SPAG16: variants seen among roughly 807,000 people sequenced by gnomAD.
SPAG16 encodes sperm associated antigen 16.
In SPAG16, 86 loss-of-function variants were observed where a neutral mutation model predicts 80.4. The observed-to-expected ratio is 1.07, with a 90% confidence interval of 0.90 to 1.28. The LOEUF (loss-of-function observed/expected upper bound fraction) is 1.28. SPAG16 is among the 50% of genes most tolerant of loss of function. The probability of loss-of-function intolerance (pLI) is 0.00; values close to 1 mark genes in which losing one functional copy is unlikely to be tolerated. For missense variants in SPAG16, 870 were observed against 765.3 expected (o/e 1.14, Z -1.61); for synonymous variants, 294 against 265.9 (o/e 1.11, Z -1.03).
At chr2:214,052,958 T>A (rs947485954) in intron 13 of SPAG16, among the ~76,000 whole-genome samples, 4 of 151,944 alleles carry the variant, frequency 2.6e-5, no homozygotes, top group African/African-American at 7.3e-5. Context: ...AATGACAGAG[T>A]TTTTTCTGCC....
chr2:214,219,319 T>C (rs1463859325), intron 15 of SPAG16, among the ~76,000 whole-genome samples: 1 of 152,118 alleles, frequency 6.6e-6, no homozygotes, highest in Non-Finnish European at 1.5e-5. Context: ...TTATTGATTA[T>C]AATGAGTAGT....
intron 1 of SPAG16, among the ~76,000 whole-genome samples, chr2:213,295,333 CTT>C (rs769365523): frequency 3.9e-4 from 60 of 151,940 alleles, no homozygotes; most frequent in Non-Finnish European, 7.5e-4. Flanking sequence ...ATTAGAGTAA[CTT>C]ATAGTTTTTG....
chr2:213,746,133 G>A (rs537745579), intron 10 of SPAG16, among the ~76,000 whole-genome samples: 1 of 152,168 alleles, frequency 6.6e-6, no homozygotes, highest in African/African-American at 2.4e-5. Flanking sequence ...CATATTTTTT[G>A]TCATAGACAC....
chr2:213,300,677 A>G (rs2062705097), intron 3 of SPAG16, among the ~76,000 whole-genome samples: 1 of 152,170 alleles, frequency 6.6e-6, no homozygotes, highest in African/African-American at 2.4e-5. Context: ...TTTTATTAAA[A>G]AAATTCTGTC....
At chr2:213,859,636 G>A (rs1001498229) in intron 10 of SPAG16, among the ~76,000 whole-genome samples, 51 of 152,150 alleles carry the variant, frequency 3.4e-4, no homozygotes, top group African/African-American at 1.2e-3. Context: ...ATACTAAGCT[G>A]GAGTAGCTAA....
chr2:213,563,089 T>TA (rs2059646755), intron 10 of SPAG16, among the ~76,000 whole-genome samples: 1 of 152,244 alleles, frequency 6.6e-6, no homozygotes, highest in South Asian at 2.1e-4. Context: ...GTCTCTATTT[T>TA]GTTTTCCTTT....
chr2:214,008,542 C>T (rs1054739368), intron 12 of SPAG16, among the ~76,000 whole-genome samples: 9 of 151,910 alleles, frequency 5.9e-5, no homozygotes, highest in Non-Finnish European at 1.3e-4. Context: ...GTCAGGAGTT[C>T]GACACCAGCC....
At chr2:213,660,692 T>A (rs560452368) in intron 10 of SPAG16, among the ~76,000 whole-genome samples, 1 of 152,276 alleles carries the variant, frequency 6.6e-6, no homozygotes, top group African/African-American at 2.4e-5. Context: ...CTGGAATGCA[T>A]CTAGACTTGC....
chr2:214,375,438 A>T (rs1013158377), intron 15 of SPAG16, among the ~76,000 whole-genome samples: 1 of 152,126 alleles, frequency 6.6e-6, no homozygotes, highest in Non-Finnish European at 1.5e-5. Context: ...TTATTATCTG[A>T]GACTAGTATA....
chr2:214,198,797 T>C (rs1464930737), intron 15 of SPAG16, among the ~76,000 whole-genome samples: 1 of 152,168 alleles, frequency 6.6e-6, no homozygotes, highest in Admixed American at 6.5e-5. Flanking sequence ...ATGGCCATTC[T>C]TGCAGGAGTA....
At chr2:213,675,496 T>A (rs2064015516) in intron 10 of SPAG16, among the ~76,000 whole-genome samples, 1 of 152,204 alleles carries the variant, frequency 6.6e-6, no homozygotes. Context: ...CTAGGTTTTC[T>A]TCTAGGGATT....
chr2:213,997,954 C>T (rs2046607272), intron 12 of SPAG16, among the ~76,000 whole-genome samples: 1 of 152,134 alleles, frequency 6.6e-6, no homozygotes, highest in African/African-American at 2.4e-5. Flanking sequence ...AAGGAGCTTA[C>T]ATTCTTGAGA....
At chr2:213,482,464 A>C (rs1484358358) in intron 9 of SPAG16, among the ~76,000 whole-genome samples, 1 of 152,232 alleles carries the variant, frequency 6.6e-6, no homozygotes, top group African/African-American at 2.4e-5. Flanking sequence ...GACAGTAGTA[A>C]GATTATAAGC....
At chr2:214,035,772 A>G (rs908327708) in intron 13 of SPAG16, among the ~76,000 whole-genome samples, 1 of 152,176 alleles carries the variant, frequency 6.6e-6, no homozygotes, top group Admixed American at 6.5e-5. Flanking sequence ...CCAAAAGCAC[A>G]AGGAAGCCCA....
At chr2:213,633,659 C>A (rs899924667) in intron 10 of SPAG16, among the ~76,000 whole-genome samples, 1 of 152,118 alleles carries the variant, frequency 6.6e-6, no homozygotes, top group Non-Finnish European at 1.5e-5. Flanking sequence ...GGGACTATCT[C>A]TCTCTTTAGC....
chr2:213,360,092 A>G (rs546042153), intron 7 of SPAG16, among the ~76,000 whole-genome samples: 1 of 152,294 alleles, frequency 6.6e-6, no homozygotes, highest in East Asian at 1.9e-4. Flanking sequence ...GAGAAAGTCA[A>G]ATTTAAATAG....
chr2:213,465,620 G>A (rs1328593591), intron 9 of SPAG16, among the ~76,000 whole-genome samples: 1 of 152,194 alleles, frequency 6.6e-6, no homozygotes, highest in African/African-American at 2.4e-5. Flanking sequence ...TTGTTTGTTA[G>A]CCAGAGACTC....
chr2:214,138,333 A>T (rs1335706814), intron 14 of SPAG16, among the ~76,000 whole-genome samples: 1 of 152,078 alleles, frequency 6.6e-6, no homozygotes. Flanking sequence ...GAGATTATTT[A>T]TTCAGGCCTA....
intron 10 of SPAG16, among the ~76,000 whole-genome samples, chr2:213,609,077 A>G (rs756517641): frequency 2.6e-5 from 4 of 152,224 alleles, no homozygotes; most frequent in Non-Finnish European, 4.4e-5. Flanking sequence ...TACATAAGTC[A>G]TTTTGCAGAA....
Sources: gnomAD v4.1 joint callset for allele counts (sites outside exome capture counted in the v4.1 genomes callset) on GRCh38, gnomAD v4.1.1 for gene constraint, MANE v1.5 for transcripts, NCBI Gene and HGNC (gene_info 2026-07-23, HGNC 2026-07-21) for gene names.